The following ACTR3C variants were observed in gnomAD, a reference collection of about 807,000 sequenced individuals.
ACTR3C encodes the protein actin-related protein 3C.
In ACTR3C, 18 loss-of-function variants were observed where a neutral mutation model predicts 26.3. The observed-to-expected ratio is 0.68, with a 90% CI of 0.47 to 1.01. ACTR3C has a LOEUF of 1.01. ACTR3C is among the 50% of genes least tolerant of loss of function. The pLI, the probability that ACTR3C is intolerant of heterozygous loss-of-function variation, is 0.00. For synonymous variants in ACTR3C, 55 were observed against 94.5 expected (o/e 0.58, Z 2.42); for missense variants, 184 against 250.7 (o/e 0.73, Z 1.80).
At chr7:150,110,606 G>A in the ACTR3C span, among the ~76,000 whole-genome samples, 2 of 143,996 alleles carry the variant, frequency 1.4e-5, no homozygotes, top group Non-Finnish European at 3.0e-5. Flanking sequence ...GAAGAGGGTG[G>A]GGCTTACTAA....
chr7:149,893,579 C>G, the ACTR3C span, among the ~76,000 whole-genome samples: 1 of 152,194 alleles, frequency 6.6e-6, no homozygotes, highest in Non-Finnish European at 1.5e-5. Flanking sequence ...GCTTCTAAGA[C>G]ACAGACAGGA....
At chr7:149,928,606 C>G in the ACTR3C span, among the ~76,000 whole-genome samples, 1 of 151,872 alleles carries the variant, frequency 6.6e-6, no homozygotes, top group Admixed American at 6.6e-5. Context: ...CCTTGGGAGG[C>G]AGAGGTGGGC....
the ACTR3C span, among the ~76,000 whole-genome samples, chr7:149,917,907 G>T: frequency 6.6e-6 from 1 of 151,460 alleles, no homozygotes; most frequent in African/African-American, 2.4e-5. Context: ...TCCCTCTTAA[G>T]ATTTTTCACA....
chr7:150,037,086 C>T, the ACTR3C span, among the ~76,000 whole-genome samples: 1,105 of 63,704 alleles, frequency 0.017, 8 homozygotes, highest in African/African-American at 0.025. Context: ...CCCCCTCGTG[C>T]GATGGGGGTC....
the ACTR3C span, among the ~76,000 whole-genome samples, chr7:150,190,751 A>G: frequency 6.6e-6 from 1 of 152,186 alleles, no homozygotes; most frequent in African/African-American, 2.4e-5. Flanking sequence ...AGACATACCC[A>G]GGACTGGGTA....
At chr7:150,137,904 G>A in the ACTR3C span, among the ~76,000 whole-genome samples, 10 of 152,298 alleles carry the variant, frequency 6.6e-5, no homozygotes, top group African/African-American at 2.4e-4. Context: ...AGTATTTGTG[G>A]GGTGGGAAGG....
the ACTR3C span, among the ~76,000 whole-genome samples, chr7:150,006,757 T>G: frequency 6.6e-6 from 1 of 152,110 alleles, no homozygotes; most frequent in Non-Finnish European, 1.5e-5. Context: ...GGTGGCTTTG[T>G]ATTCCCAAAA....
At chr7:150,165,285 C>T in the ACTR3C span, among the ~76,000 whole-genome samples, 3 of 151,846 alleles carry the variant, frequency 2.0e-5, no homozygotes, top group Non-Finnish European at 2.9e-5. Flanking sequence ...CAATATTTGC[C>T]CTGACTTCCT....
the ACTR3C span, among the ~76,000 whole-genome samples, chr7:150,194,510 C>T: frequency 6.7e-6 from 1 of 150,218 alleles, no homozygotes; most frequent in African/African-American, 2.4e-5. Flanking sequence ...CTTTTTTAAT[C>T]CAATCTGACC....
intron 3 of ACTR3C, among the ~76,000 whole-genome samples, chr7:150,291,911 C>G (rs12671302): frequency 0.61 from 92,213 of 150,570 alleles, 29,057 homozygotes; most frequent in East Asian, 0.8. Context: ...CTCTCCTCCC[C>G]ACAGGAAGGA....
chr7:150,158,182 T>G, the ACTR3C span, among the ~76,000 whole-genome samples: 6 of 152,196 alleles, frequency 3.9e-5, no homozygotes, highest in Non-Finnish European at 7.3e-5. Flanking sequence ...TTAAAAGATC[T>G]AAATATAATG....
At chr7:150,178,212 T>C in the ACTR3C span, among the ~76,000 whole-genome samples, 1 of 150,110 alleles carries the variant, frequency 6.7e-6, no homozygotes, top group Non-Finnish European at 1.5e-5. Flanking sequence ...GAGCCAGCAA[T>C]AATTTTGGCA....
chr7:150,048,847 C>T, the ACTR3C span, among the ~76,000 whole-genome samples: 1 of 152,106 alleles, frequency 6.6e-6, no homozygotes, highest in Non-Finnish European at 1.5e-5. Context: ...GAAACCGCCC[C>T]TTCCCTTCGC....
At chr7:150,088,688 C>T in the ACTR3C span, among the ~76,000 whole-genome samples, 1 of 152,140 alleles carries the variant, frequency 6.6e-6, no homozygotes, top group Non-Finnish European at 1.5e-5. Context: ...TGTTATTGTT[C>T]TATCATTTTG....
the ACTR3C span, among the ~76,000 whole-genome samples, chr7:150,106,329 T>C: frequency 1.3e-5 from 2 of 150,660 alleles, no homozygotes; most frequent in African/African-American, 4.9e-5. Context: ...ACTCCACTAC[T>C]CCTTGAATAT....
the ACTR3C span, among the ~76,000 whole-genome samples, chr7:150,040,236 G>GC: frequency 1.5e-4 from 22 of 147,592 alleles, 1 homozygote; most frequent in South Asian, 1.1e-3. Context: ...CCATCCTTTA[G>GC]AAACCTGTCT....
At chr7:150,205,479 G>A in the ACTR3C span, among the ~76,000 whole-genome samples, 13 of 152,274 alleles carry the variant, frequency 8.5e-5, no homozygotes, top group Admixed American at 2.0e-4. Flanking sequence ...GCACCTCTGC[G>A]CAATGTTACA....
chr7:150,023,369 T>C, the ACTR3C span, among the ~76,000 whole-genome samples: 1 of 124,322 alleles, frequency 8.0e-6, no homozygotes, highest in Non-Finnish European at 1.7e-5. Flanking sequence ...GTTTCACTCT[T>C]GTTGCCCAGG....
chr7:150,005,351 A>C, the ACTR3C span, among the ~76,000 whole-genome samples: 1 of 152,108 alleles, frequency 6.6e-6, no homozygotes, highest in Non-Finnish European at 1.5e-5. Context: ...GTTGAGAACC[A>C]CCAAGGGTCA....
Sources: gnomAD v4.1 joint callset for allele counts (sites outside exome capture counted in the v4.1 genomes callset) on GRCh38, gnomAD v4.1.1 for gene constraint, MANE v1.5 for transcripts, NCBI Gene and HGNC (gene_info 2026-07-23, HGNC 2026-07-21) for gene names.